TMEM38B: variants seen among roughly 807,000 people sequenced by gnomAD.
TMEM38B encodes trimeric intracellular cation channel type B.
Under a neutral mutation model 28.7 loss-of-function variants are expected in TMEM38B, and 24 were observed. The ratio of observed to expected loss-of-function variants is 0.84; its 90% CI spans 0.61 to 1.18. The LOEUF (loss-of-function observed/expected upper bound fraction) is 1.18, where lower values mean the gene tolerates loss of function less well. TMEM38B is among the 50% of genes most tolerant of loss of function. The probability of loss-of-function intolerance (pLI) is 0.00; values close to 1 mark genes in which losing one functional copy is unlikely to be tolerated. For synonymous variants in TMEM38B, 131 were observed against 127.7 expected, an observed-to-expected ratio of 1.03 and a Z score of -0.17; for missense variants, 380 against 350.9, an observed-to-expected ratio of 1.08 and a Z score of -0.66.
chr9:105,712,589 A>G (rs570083621), intron 2 of TMEM38B, among the ~76,000 whole-genome samples: 2 of 152,372 alleles, frequency 1.3e-5, no homozygotes, highest in Admixed American at 6.5e-5. Context: ...TCCCTTTACC[A>G]AGACTTCTAA....
At chr9:105,738,166 C>G (rs1262992807) in intron 4 of TMEM38B, among the ~76,000 whole-genome samples, 2 of 152,024 alleles carry the variant, frequency 1.3e-5, no homozygotes, top group Non-Finnish European at 2.9e-5. Context: ...GGGGTGAACA[C>G]AGCCGTATGG....
intron 5 of TMEM38B, among the ~76,000 whole-genome samples, 176 bp from the exon 6 acceptor site, chr9:105,773,689 A>G (rs1826633384): frequency 1.3e-5 from 2 of 152,056 alleles, no homozygotes; most frequent in African/African-American, 4.8e-5. Flanking sequence ...GAGTTGTGTT[A>G]TTTTCCATTA....
chr9:105,705,870 C>T, intron 2 of TMEM38B, 117 bp downstream of exon 2: 2 of 1,068,712 alleles, frequency 1.9e-6, no homozygotes, highest in Non-Finnish European at 1.3e-6. Context: ...GTTAATGCAT[C>T]TGCAAGGAAG....
intron 2 of TMEM38B, chr9:105,710,309 C>T (rs1835853455): frequency 7.5e-6 from 5 of 668,024 alleles, no homozygotes; most frequent in Non-Finnish European, 1.1e-5. Flanking sequence ...GTCGGAATGG[C>T]TTCTGCTACT....
intron 2 of TMEM38B, among the ~76,000 whole-genome samples, chr9:105,711,435 T>C (rs1212422711): frequency 1.4e-5 from 2 of 140,254 alleles, no homozygotes; most frequent in Non-Finnish European, 3.0e-5. Flanking sequence ...ACCTAGACTC[T>C]GTCTCAAAAA....
At chr9:105,733,519 T>C (rs760457059) in intron 4 of TMEM38B, among the ~76,000 whole-genome samples, 1 of 151,904 alleles carries the variant, frequency 6.6e-6, no homozygotes, top group Non-Finnish European at 1.5e-5. Context: ...CTGTGTTTCC[T>C]TGGAAGAGTT....
intron 4 of TMEM38B, among the ~76,000 whole-genome samples, chr9:105,744,037 TC>T (rs2133610881): frequency 6.6e-6 from 1 of 152,260 alleles, no homozygotes; most frequent in South Asian, 2.1e-4. Context: ...CTCAGCATTT[TC>T]TTTTTTTTTA....
intron 5 of TMEM38B, among the ~76,000 whole-genome samples, chr9:105,750,797 A>G (rs1351601914): frequency 6.6e-6 from 1 of 152,048 alleles, no homozygotes; most frequent in Non-Finnish European, 1.5e-5. Flanking sequence ...AGTTTTTATG[A>G]TCTGTTTTGA....
chr9:105,735,649 A>G (rs1332125761), intron 4 of TMEM38B, among the ~76,000 whole-genome samples: 8 of 152,334 alleles, frequency 5.3e-5, no homozygotes, highest in South Asian at 4.1e-4. Flanking sequence ...TGAGAAGTCA[A>G]CTAATGATAT....
intron 4 of TMEM38B, among the ~76,000 whole-genome samples, chr9:105,728,041 C>G (rs1836584092): frequency 6.6e-6 from 1 of 152,060 alleles, no homozygotes. Context: ...AACTGTGAGC[C>G]AATTAAGCCA....
intron 2 of TMEM38B, among the ~76,000 whole-genome samples, chr9:105,715,163 A>G (rs1836049254): frequency 6.6e-6 from 1 of 152,194 alleles, no homozygotes; most frequent in Admixed American, 6.5e-5. Context: ...AGAAATGATT[A>G]CAGAAAATTA....
In TMEM38B at chr9:105,759,589, A is replaced by G. The variant is rs991847516; in HGVS notation, c.660+11399A>G. On this transcript the variant is annotated intron_variant, in intron 5 of 5. Coordinates refer to ENST00000374692, the MANE Select transcript of TMEM38B (RefSeq NM_018112.3). ...ACCAAGTTGCTGTTCTTTGGAAGGA[A>G]TTGTAGATGTGTCAGGGAATTCAAG... 3.2e-6 allele frequency: 5 copies of G among 1,557,108 alleles called. No homozygotes were observed. In the African/African-American group the frequency reaches 6.8e-5, roughly 21 times the overall value.
At chr9:105,706,037 A>G (rs1447957606) in intron 2 of TMEM38B, among the ~76,000 whole-genome samples, 1 of 151,848 alleles carries the variant, frequency 6.6e-6, no homozygotes, top group Non-Finnish European at 1.5e-5. Context: ...AGTAGCTGGA[A>G]TTACAGCACC....
intron 2 of TMEM38B, among the ~76,000 whole-genome samples, chr9:105,718,886 CATTTT>C (rs1836213579): frequency 6.6e-6 from 1 of 151,992 alleles, no homozygotes; most frequent in African/African-American, 2.4e-5. Context: ...CAAAAGGTAT[CATTTT>C]ATAGTTGTCA....
intron 2 of TMEM38B, among the ~76,000 whole-genome samples, chr9:105,715,665 T>C (rs1836073756): frequency 6.6e-6 from 1 of 152,140 alleles, no homozygotes; most frequent in African/African-American, 2.4e-5. Context: ...TATGTTTCTC[T>C]TTGTGTTTTC....
intron 4 of TMEM38B, among the ~76,000 whole-genome samples, chr9:105,730,635 G>C (rs1836705616): frequency 6.6e-6 from 1 of 152,196 alleles, no homozygotes; most frequent in Non-Finnish European, 1.5e-5. Flanking sequence ...GTTTCAGAAG[G>C]AATGGTACTA....
In TMEM38B at chr9:105,720,470, C is replaced by A. The variant is rs145996574; in HGVS notation, c.270-1067C>A. ...TAAAATAAAATAAGAATCCCAAAGTCAATGACTATGGTAATATTTGAGTGG... is the reference window on the plus strand; with the variant it reads ...TAAAATAAAATAAGAATCCCAAAGTAAATGACTATGGTAATATTTGAGTGG... On this transcript the variant is annotated intron_variant, in intron 2 of 5. Transcript: ENST00000374692. Among the ~76,000 whole-genome samples the A allele has an allele frequency of 2.1e-4, 32 of 152,118 alleles. No individual in the cohort carries two copies. The East Asian group carries it at 5.6e-3, about 27-fold the overall frequency.
At chr9:105,697,846 T>G (rs1354841608) in intron 1 of TMEM38B, among the ~76,000 whole-genome samples, 1 of 152,190 alleles carries the variant, frequency 6.6e-6, no homozygotes, top group Non-Finnish European at 1.5e-5. Flanking sequence ...GGCCTAAGGT[T>G]ATAAAAATAC....
chr9:105,731,209 T>TA (rs1836729654), intron 4 of TMEM38B, among the ~76,000 whole-genome samples: 1 of 152,032 alleles, frequency 6.6e-6, no homozygotes, highest in Non-Finnish European at 1.5e-5. Flanking sequence ...TTTAGTGCTA[T>TA]AAATTTCCCT....
Sources: gnomAD v4.1 joint callset for allele counts (sites outside exome capture counted in the v4.1 genomes callset) on GRCh38, gnomAD v4.1.1 for gene constraint, MANE v1.5 for transcripts, NCBI Gene and HGNC (gene_info 2026-07-23, HGNC 2026-07-21) for gene names.